KAT2B: variants seen among roughly 807,000 people sequenced by gnomAD.
The protein encoded by KAT2B is histone acetyltransferase KAT2B.
In KAT2B, 36 loss-of-function variants were observed where a neutral mutation model predicts 105.9. The observed-to-expected ratio is 0.34, with a 90% CI of 0.26 to 0.45. The LOEUF (loss-of-function observed/expected upper bound fraction) is 0.45. Among genes scored for constraint, KAT2B ranks in the 20% least tolerant of loss-of-function variants. The pLI is 1.00. For missense variants in KAT2B, 820 were observed against 1,021.6 expected (o/e 0.80, Z 2.69); for synonymous variants, 397 against 377.9 (o/e 1.05, Z -0.59).
intron 1 of KAT2B, among the ~76,000 whole-genome samples, chr3:20,046,045 A>G (rs75667402): frequency 6.6e-6 from 1 of 152,238 alleles, no homozygotes; most frequent in Non-Finnish European, 1.5e-5. Flanking sequence ...CAATGACTGC[A>G]TGTATAAAGT....
At position 20,134,712 on chromosome 3, in the gene KAT2B, C is replaced by T. The variant is rs138846321; in HGVS notation, c.1750-2230C>T. 5.7e-3 allele frequency among the ~76,000 whole-genome samples: 870 copies of T among 152,140 alleles called. 10 individuals are homozygous for T. The highest frequency in any genetic ancestry group is 0.02 in the African/African-American group (820 of 41,518). On this transcript the variant is annotated intron_variant, in intron 11 of 17. Transcript: ENST00000263754. ...GTGAGCCACTAGGATTATAGGCCAC[C>T]GCGCCCAGCCCACTATTGAAGATAC...
chr3:20,144,852 A>G (rs1368084330), intron 13 of KAT2B, among the ~76,000 whole-genome samples: 1 of 151,092 alleles, frequency 6.6e-6, no homozygotes, highest in East Asian at 2.0e-4. Flanking sequence ...CTGGAGTGCA[A>G]TGGCACAACC....
chr3:20,073,214 C>T (rs933544662), intron 2 of KAT2B, among the ~76,000 whole-genome samples: 2 of 152,186 alleles, frequency 1.3e-5, no homozygotes, highest in Admixed American at 1.3e-4. Context: ...TTAGACTATT[C>T]TTACTTTCCT....
chr3:20,129,744 C>T (rs1009903687), intron 11 of KAT2B, among the ~76,000 whole-genome samples: 2 of 152,292 alleles, frequency 1.3e-5, no homozygotes, highest in Admixed American at 6.5e-5. Flanking sequence ...GACAAGCTGC[C>T]TTTCAAGTGC....
intron 1 of KAT2B, among the ~76,000 whole-genome samples, chr3:20,071,154 T>C (rs889487188): frequency 3.3e-5 from 5 of 152,194 alleles, no homozygotes; most frequent in African/African-American, 1.2e-4. Flanking sequence ...ACATTGTTAA[T>C]GATGTATTTT....
At chr3:20,104,761 A>C (rs1361820839) in intron 5 of KAT2B, among the ~76,000 whole-genome samples, 1 of 152,252 alleles carries the variant, frequency 6.6e-6, no homozygotes, top group African/African-American at 2.4e-5. Context: ...GATTGTGTTC[A>C]TTACAGAGCT....
intron 2 of KAT2B, among the ~76,000 whole-genome samples, chr3:20,085,803 G>C (rs527385829): frequency 6.6e-6 from 1 of 151,918 alleles, no homozygotes; most frequent in Non-Finnish European, 1.5e-5. Context: ...GAGCCACTGC[G>C]CCCTGCCTAC....
chr3:20,044,180 C>G (rs1000805530), intron 1 of KAT2B, among the ~76,000 whole-genome samples: 1 of 151,880 alleles, frequency 6.6e-6, no homozygotes, highest in African/African-American at 2.4e-5. Context: ...GTTCTGTGTT[C>G]ATTAAAAATG....
chr3:20,045,317 CTATTTATTTATTTATTTATTTATTTATT>C lies in KAT2B; in HGVS notation c.303+4559_303+4586del, dbSNP rs10538060. On this transcript the variant is annotated intron_variant, in intron 1 of 17. Coordinates refer to ENST00000263754, the MANE Select transcript of KAT2B (RefSeq NM_003884.5). ...ACAGGTGTGAGCCACTGCACCTGGC[CTATTTATTTATTTATTTATTTATTTATT>C]TATTTATTTATTTATTTATTTTAGA... Among the ~76,000 whole-genome samples the C allele has an allele frequency of 3.4e-3, 463 of 138,082 alleles. 1 individual carries two copies. The highest frequency in any genetic ancestry group is 0.028 in the Middle Eastern group (8 of 284). The allele number at this position is 138,082 out of a possible 152,430, so 90.6% of individuals were successfully genotyped here. A position where few individuals can be genotyped will look rare whatever the true frequency, so the allele number is the denominator to read the frequency against.
chr3:20,081,434 C>A (rs534796402), intron 2 of KAT2B, among the ~76,000 whole-genome samples: 1 of 152,262 alleles, frequency 6.6e-6, no homozygotes, highest in East Asian at 1.9e-4. Flanking sequence ...CTCTCTGGCA[C>A]CCTGGGTGTT....
Position 20,153,549 on chromosome 3 carries a change from T to C in KAT2B, c.*1024T>C, listed in dbSNP as rs1320059136. The C allele has an allele frequency of 1.3e-5, 2 of 152,642 alleles. No individual in the cohort carries two copies. The highest frequency in any genetic ancestry group is 4.8e-5 in the African/African-American group (2 of 41,462). 9.5% of individuals were successfully genotyped at this position (152,642 alleles called of 1,614,324 possible). A position where few individuals can be genotyped will look rare whatever the true frequency, so the allele number is the denominator to read the frequency against. ...AATTCCCACCAGGGTTTGCTGTCAG[T>C]ATTTTAACACCCACATTAGTATATG... On this transcript the variant is annotated 3_prime_UTR_variant, in exon 18 of 18. Transcript: ENST00000263754.
intron 10 of KAT2B, among the ~76,000 whole-genome samples, chr3:20,126,699 G>T (rs942374402): frequency 6.6e-6 from 1 of 151,312 alleles, no homozygotes; most frequent in Non-Finnish European, 1.5e-5. Flanking sequence ...ACACATGCCT[G>T]TAATCACGGC....
In KAT2B at chr3:20,045,316, CCTATTTATTTAT is replaced by C. The variant is rs1266337272; in HGVS notation, c.303+4537_303+4548del. Among the ~76,000 whole-genome samples, 7 of 132,776 alleles carry C rather than the reference CCTATTTATTTAT, an allele frequency of 5.3e-5. No individual in the cohort carries two copies. The East Asian group carries it at 1.3e-3, about 25-fold the overall frequency. The allele number at this position is 132,776 out of a possible 152,430, so 87.1% of individuals were successfully genotyped here. A position where few individuals can be genotyped will look rare whatever the true frequency, so the allele number is the denominator to read the frequency against. ...TACAGGTGTGAGCCACTGCACCTGG[CCTATTTATTTAT>C]TTATTTATTTATTTATTTATTTATT... On this transcript the variant is annotated intron_variant, in intron 1 of 17. Coordinates refer to ENST00000263754, the MANE Select transcript of KAT2B (RefSeq NM_003884.5).
intron 1 of KAT2B, among the ~76,000 whole-genome samples, chr3:20,066,780 A>G (rs538898468): frequency 2.0e-5 from 3 of 152,008 alleles, no homozygotes; most frequent in Non-Finnish European, 4.4e-5. Flanking sequence ...CCAAAAATTT[A>G]ATTTTATTAA....
intron 2 of KAT2B, among the ~76,000 whole-genome samples, chr3:20,077,307 G>T (rs1397377016): frequency 1.3e-5 from 2 of 152,156 alleles, no homozygotes; most frequent in Non-Finnish European, 2.9e-5. Context: ...GGGCCACTGT[G>T]TGTGTAGCCT....
At chr3:20,078,133 C>T (rs1473264082) in intron 2 of KAT2B, among the ~76,000 whole-genome samples, 2 of 152,018 alleles carry the variant, frequency 1.3e-5, no homozygotes, top group Admixed American at 6.6e-5. Context: ...GGGCCGAGAT[C>T]GCACCACTTG....
At chr3:20,150,799 C>T (rs1575163521) in intron 17 of KAT2B, among the ~76,000 whole-genome samples, 1 of 146,296 alleles carries the variant, frequency 6.8e-6, no homozygotes, top group East Asian at 2.3e-4. Flanking sequence ...TCCATCTTTT[C>T]TTACCCATCT....
intron 7 of KAT2B, among the ~76,000 whole-genome samples, chr3:20,118,913 T>G (rs1699258712): frequency 6.6e-6 from 1 of 151,656 alleles, no homozygotes; most frequent in African/African-American, 2.4e-5. Flanking sequence ...AAAACTATAG[T>G]TTTCTGTCAG....
At chr3:20,107,771 C>T (rs1418399308) in intron 5 of KAT2B, among the ~76,000 whole-genome samples, 3 of 148,750 alleles carry the variant, frequency 2.0e-5, no homozygotes, top group Non-Finnish European at 4.5e-5. Flanking sequence ...CTGAGTCCTT[C>T]AAACCTCCAA....
Sources: gnomAD v4.1 joint callset for allele counts (sites outside exome capture counted in the v4.1 genomes callset) on GRCh38, gnomAD v4.1.1 for gene constraint, MANE v1.5 for transcripts, NCBI Gene and HGNC (gene_info 2026-07-23, HGNC 2026-07-21) for gene names.